ASH1L: variants seen among roughly 807,000 people sequenced by gnomAD.
ASH1L encodes ASH1 like histone lysine methyltransferase, also known as histone-lysine N-methyltransferase ASH1L.
ASH1L carries 23 observed loss-of-function variants against 269.0 expected under a neutral mutation model. The ratio of observed to expected loss-of-function variants is 0.09; its 90% CI spans 0.06 to 0.12. The LOEUF is 0.12. ASH1L is among the 10% of genes least tolerant of loss of function. ASH1L has a pLI of 1.00. For synonymous variants in ASH1L, 1,187 were observed against 1,253.5 expected, an observed-to-expected ratio of 0.95 and a Z score of 1.12; for missense variants, 2,912 against 3,567.8, an observed-to-expected ratio of 0.82 and a Z score of 4.68.
At position 155,478,010 on chromosome 1, in the gene ASH1L, G is replaced by T; in HGVS notation, c.4860C>A (p.Asn1620Lys). The change falls in exon 3 of 28, where the codon AAC (asparagine) becomes AAA (lysine). Residue 1620 changes from asparagine (N) to lysine (K), a missense_variant. Asn to Lys is a moderately conservative substitution (Grantham distance 94). Coordinates refer to ENST00000392403, the MANE Select transcript of ASH1L (RefSeq NM_018489.3). This position sits in a 1 kb window ranked among gnomAD's most constrained non-coding sequence, Gnocchi z 4.6. ...AIGSCRVSNPNSSGRKKLTDS... is the reference protein window; with the variant it reads ...AIGSCRVSNPKSSGRKKLTDS... Reference sequence around the variant, plus strand: ...CAGTTAATTTCTTCCGGCCACTGGAGTTAGGGTTTGAAACTCTGCAGCTGC... The same window carrying T: ...CAGTTAATTTCTTCCGGCCACTGGATTTAGGGTTTGAAACTCTGCAGCTGC... 1.2e-6 allele frequency: 2 copies of T among 1,614,228 alleles called. No individual in the cohort carries two copies. Among genetic ancestry groups the T allele is most frequent in the Non-Finnish European group, 1.7e-6 (2 of 1,180,038 alleles).
intron 1 of ASH1L, among the ~76,000 whole-genome samples, chr1:155,554,214 A>G (rs1671422985): frequency 6.6e-6 from 1 of 151,580 alleles, no homozygotes; most frequent in Non-Finnish European, 1.5e-5. Context: ...CCTCCCAAGT[A>G]GCTGGGACCA....
intron 24 of ASH1L, among the ~76,000 whole-genome samples, chr1:155,342,477 A>T (rs913746978): frequency 1.3e-5 from 2 of 152,338 alleles, no homozygotes; most frequent in East Asian, 3.9e-4. Context: ...TTTAACTGAG[A>T]CAAGGAGGAC....
At chr1:155,472,242 A>C (rs1261021290) in intron 3 of ASH1L, among the ~76,000 whole-genome samples, 2 of 152,336 alleles carry the variant, frequency 1.3e-5, no homozygotes, top group Middle Eastern at 3.4e-3. Flanking sequence ...GTGAGCCTAG[A>C]TTACGCCACT....
chr1:155,417,715 T>C (rs1005681132), intron 5 of ASH1L, among the ~76,000 whole-genome samples: 12 of 152,044 alleles, frequency 7.9e-5, no homozygotes, highest in Non-Finnish European at 1.6e-4. Context: ...TCCCAGCACT[T>C]TGGGAGGCTG....
chr1:155,364,795 A>T (rs1478517673), intron 12 of ASH1L, among the ~76,000 whole-genome samples: 1 of 151,914 alleles, frequency 6.6e-6, no homozygotes, highest in East Asian at 1.9e-4. Context: ...CAAAAAAATT[A>T]ACCAGGCATG....
chr1:155,463,709 C>T (rs1364034958), intron 3 of ASH1L, among the ~76,000 whole-genome samples: 1 of 152,024 alleles, frequency 6.6e-6, no homozygotes, highest in African/African-American at 2.4e-5. Context: ...GTGGGAAGAT[C>T]GCTTGAGCCC....
At chr1:155,356,479 T>C (rs1032253588) in intron 15 of ASH1L, among the ~76,000 whole-genome samples, 33 of 151,420 alleles carry the variant, frequency 2.2e-4, no homozygotes, top group South Asian at 8.4e-4. Context: ...CTAAAAAGTA[T>C]AAAAAATTAG....
intron 2 of ASH1L, among the ~76,000 whole-genome samples, chr1:155,499,687 T>A (rs549070141): frequency 1.2e-4 from 19 of 152,178 alleles, no homozygotes; most frequent in Non-Finnish European, 2.6e-4. Context: ...TATGTGAGGA[T>A]CTCTGGAGTG....
At chr1:155,392,981 T>C (rs1357935724) in intron 7 of ASH1L, among the ~76,000 whole-genome samples, 4 of 151,936 alleles carry the variant, frequency 2.6e-5, no homozygotes, top group Non-Finnish European at 5.9e-5. Context: ...AGCCACCGCG[T>C]CCAGCCTTGT....
intron 2 of ASH1L, among the ~76,000 whole-genome samples, chr1:155,504,460 T>C (rs555059731): frequency 3.9e-5 from 6 of 152,276 alleles, no homozygotes; most frequent in Non-Finnish European, 5.9e-5. Flanking sequence ...TGCCCCAATA[T>C]TATATAGCTT....
chr1:155,441,765 C>CTT (rs543915802), intron 4 of ASH1L, among the ~76,000 whole-genome samples: 218 of 125,442 alleles, frequency 1.7e-3, no homozygotes, highest in East Asian at 9.9e-3. Context: ...TGCGCCTGGC[C>CTT]TTTTTTTTTT....
chr1:155,346,824 CCTGT>C (rs972821607), intron 20 of ASH1L, among the ~76,000 whole-genome samples: 3 of 152,160 alleles, frequency 2.0e-5, no homozygotes, highest in Admixed American at 6.5e-5. Flanking sequence ...TTTATTTACT[CCTGT>C]CTAACTTTAG....
intron 5 of ASH1L, among the ~76,000 whole-genome samples, chr1:155,429,780 T>C (rs572577617): frequency 9.9e-5 from 15 of 152,254 alleles, no homozygotes; most frequent in African/African-American, 3.4e-4. Flanking sequence ...ACTTAGCTTA[T>C]GTTATGTATT....
chr1:155,498,572 G>A (rs765957800), intron 2 of ASH1L, among the ~76,000 whole-genome samples: 7 of 152,006 alleles, frequency 4.6e-5, no homozygotes, highest in Non-Finnish European at 8.8e-5. Context: ...CTTCCAAGTA[G>A]CTGGGATTAC....
intron 6 of ASH1L, among the ~76,000 whole-genome samples, chr1:155,405,359 A>G (rs183168636): frequency 4.0e-5 from 6 of 151,778 alleles, no homozygotes; most frequent in Admixed American, 1.3e-4. Context: ...GCATGCACCC[A>G]TATTCCTAGC....
At chr1:155,445,809 G>A (rs1286381324) in intron 4 of ASH1L, among the ~76,000 whole-genome samples, 1 of 151,944 alleles carries the variant, frequency 6.6e-6, no homozygotes, top group Non-Finnish European at 1.5e-5. Flanking sequence ...AAAAGACTTT[G>A]TATTTTTTTA....
At chr1:155,421,472 A>G (rs1660677175) in intron 5 of ASH1L, among the ~76,000 whole-genome samples, 1 of 151,680 alleles carries the variant, frequency 6.6e-6, no homozygotes, top group Admixed American at 6.6e-5. Flanking sequence ...GAAGATTGAG[A>G]CCATCCTGGC....
At chr1:155,551,412 G>C (rs962815058) in intron 1 of ASH1L, among the ~76,000 whole-genome samples, 7 of 152,102 alleles carry the variant, frequency 4.6e-5, no homozygotes, top group African/African-American at 1.4e-4. Context: ...TGTAATCCCA[G>C]CACTTTGGGA....
chr1:155,492,862 T>C (rs1295037299), intron 2 of ASH1L, among the ~76,000 whole-genome samples: 2 of 152,164 alleles, frequency 1.3e-5, no homozygotes, highest in African/African-American at 2.4e-5. Context: ...CCCGGTTCTG[T>C]TGCCCAGGCT....
Sources: gnomAD v4.1 joint callset for allele counts (sites outside exome capture counted in the v4.1 genomes callset) on GRCh38, gnomAD v4.1.1 for gene constraint, Gnocchi (gnomAD v3.1) non-coding constraint, MANE v1.5 for transcripts, NCBI Gene and HGNC (gene_info 2026-07-23, HGNC 2026-07-21) for gene names.